The following CCDC85C variants were observed in gnomAD, a reference collection of about 807,000 sequenced individuals.
CCDC85C encodes coiled-coil domain-containing protein 85C.
CCDC85C carries 18 observed loss-of-function variants against 38.3 expected under a neutral mutation model. That is an observed-to-expected ratio of 0.47 (90% CI 0.33 to 0.70). The LOEUF (loss-of-function observed/expected upper bound fraction) is 0.70. Ranked by LOEUF, CCDC85C falls within the 30% of genes least tolerant of loss-of-function variation. The pLI is 0.03. For synonymous variants in CCDC85C, 264 were observed against 293.8 expected, an observed-to-expected ratio of 0.90 and a Z score of 1.04; for missense variants, 566 against 621.2, an observed-to-expected ratio of 0.91 and a Z score of 0.94.
At position 99,569,752 on chromosome 14, in the gene CCDC85C, T is replaced by C. The variant is rs1361396019; in HGVS notation, c.793+33415A>G. Among the ~76,000 whole-genome samples the C allele has an allele frequency of 6.6e-6, 1 of 152,236 alleles. No homozygotes were observed. Among genetic ancestry groups the C allele is most frequent in the East Asian group, 1.9e-4 (1 of 5,166 alleles). ...CACACACCCCACATTTCAGGTGCAA[T>C]GCTCCAAGGCGACGCAGGGAGGGAT... On this transcript the variant is annotated intron_variant, in intron 1 of 5. Transcript: ENST00000380243. This position sits in a 1 kb window ranked among gnomAD's most constrained non-coding sequence, Gnocchi z 4.3.
intron 1 of CCDC85C, among the ~76,000 whole-genome samples, chr14:99,557,276 C>T (rs1303429774): frequency 6.6e-6 from 1 of 152,202 alleles, no homozygotes; most frequent in Non-Finnish European, 1.5e-5. Flanking sequence ...AAGGCCCAGG[C>T]TCTAATTCAC....
In CCDC85C at chr14:99,501,298, G is replaced by A; in HGVS notation, c.*13948C>T. ...CGTGGTAGGTTTTTAATAAATACTT[G>A]ATGCTGCCTGTGAATTTTTCTATTG... On this transcript the variant is annotated 3_prime_UTR_variant, in exon 6 of 6. Transcript: ENST00000380243. 1 of 1,099,178 alleles carries A rather than the reference G, an allele frequency of 9.1e-7. No individual in the cohort carries two copies. Among genetic ancestry groups the A allele is most frequent in the South Asian group, 1.2e-5 (1 of 80,408 alleles). The allele number at this position is 1,099,178 out of a possible 1,614,324, so 68.1% of individuals were successfully genotyped here.
At chr14:99,585,089 C>T (rs56132473) in intron 1 of CCDC85C, among the ~76,000 whole-genome samples, 49,281 of 151,914 alleles carry the variant, frequency 0.32, 10,100 homozygotes, top group Non-Finnish European at 0.46. Flanking sequence ...AGTGAGACCC[C>T]GTCCCCTCCA....
intron 3 of CCDC85C, among the ~76,000 whole-genome samples, chr14:99,521,414 G>A (rs556145678): frequency 1.3e-5 from 2 of 152,350 alleles, no homozygotes; most frequent in Admixed American, 1.3e-4. Flanking sequence ...TTGTGGGCAA[G>A]GGGTGCAGGG....
rs1034423737 is a variant in CCDC85C, at chr14:99,603,846, G to A, written c.114C>T (p.Ala38=). The change falls in exon 1 of 6, where the codon GCC becomes GCT. Residue 38 remains alanine, a synonymous_variant. Transcript: ENST00000380243. This position sits in a 1 kb window ranked among gnomAD's most constrained non-coding sequence, Gnocchi z 7.5. ...GCATGAGGCCCACCTTCTCGCCCTC[G>A]GCGCGCCGCAGCCGCCGCGCCAGCT... ...KEELARRLRR[A]EGEKVGLMLE... is the part of the protein sequence containing the mutation. 3.4e-5 allele frequency: 52 copies of A among 1,517,722 alleles called. No individual in the cohort carries two copies. The highest frequency in any genetic ancestry group is 1.8e-4 in the Admixed American group (9 of 49,432). 94.0% of individuals were successfully genotyped at this position (1,517,722 alleles called of 1,614,324 possible). A position where few individuals can be genotyped will look rare whatever the true frequency, so the allele number is the denominator to read the frequency against.
chr14:99,551,787 G>A (rs1292313025), intron 1 of CCDC85C, among the ~76,000 whole-genome samples: 2 of 152,096 alleles, frequency 1.3e-5, no homozygotes, highest in African/African-American at 2.4e-5. Context: ...TGCAGGCTGA[G>A]ACCGGAGTCC....
In CCDC85C at chr14:99,515,282, C is replaced by T; in HGVS notation, c.1224G>A (p.Gln408=). The change falls in exon 6 of 6, where the codon CAG becomes CAA. Residue 408 remains glutamine, a synonymous_variant. Coordinates refer to ENST00000380243, the MANE Select transcript of CCDC85C (RefSeq NM_001144995.2). The stretch of plus-strand genomic sequence containing the variant: ...CCTTGAACTGGTTCCCAGACAGGTG[C>T]TGCCGTATGGAGGGCTTGGAGCTGG... ...DAASSKPSIR[Q]HLSGNQFKGP... is the part of the protein sequence containing the mutation. 6.4e-7 allele frequency: 1 copy of T among 1,550,926 alleles called. No homozygotes were observed.
At position 99,507,425 on chromosome 14, in the gene CCDC85C, T is replaced by A. The variant is rs1015575364; in HGVS notation, c.*7821A>T. 2.3e-6 allele frequency: 1 copy of A among 431,162 alleles called. No individual in the cohort carries two copies. The highest frequency in any genetic ancestry group is 2.0e-5 in the African/African-American group (1 of 49,682). 26.7% of individuals were successfully genotyped at this position (431,162 alleles called of 1,614,324 possible). A position where few individuals can be genotyped will look rare whatever the true frequency, so the allele number is the denominator to read the frequency against. The stretch of plus-strand genomic sequence containing the variant: ...GACCCTGTCTAAAAAATTAGCCAGG[T>A]GTGGTAGCACACACCTGTAGTCCCA... On this transcript the variant is annotated 3_prime_UTR_variant, in exon 6 of 6. Transcript: ENST00000380243.
At chr14:99,550,197 G>C (rs566463238) in intron 1 of CCDC85C, among the ~76,000 whole-genome samples, 2 of 152,358 alleles carry the variant, frequency 1.3e-5, no homozygotes, top group East Asian at 3.9e-4. Flanking sequence ...GGACTTTGCA[G>C]ATGAGATCAA....
rs766385345 is a variant in CCDC85C at position 99,515,254 on chromosome 14, G to T, written c.1252C>A (p.Pro418Thr). Residue 418 changes from proline (P) to threonine (T), a missense_variant, in exon 6 of 6, where the codon CCT becomes ACT. Physicochemically the swap from Pro to Thr is conservative, Grantham distance 38. Transcript: ENST00000380243. The part of the protein sequence containing the change: ...QHLSGNQFKG[P>T]L ...TCCACAGAAGAGTGGCCCTACAAAG[G>T]CCCCTTGAACTGGTTCCCAGACAGG... The T allele has an allele frequency of 1.0e-4, 162 of 1,550,336 alleles. No individual in the cohort carries two copies. The highest frequency in any genetic ancestry group is 1.4e-4 in the Non-Finnish European group (159 of 1,146,612).
intron 1 of CCDC85C, among the ~76,000 whole-genome samples, chr14:99,584,438 G>T (rs976338617): frequency 6.6e-6 from 1 of 152,090 alleles, no homozygotes; most frequent in Non-Finnish European, 1.5e-5. Flanking sequence ...TATCCAGCAG[G>T]CCACTCGGAG....
chr14:99,526,980 G>A (rs949049570), intron 2 of CCDC85C, among the ~76,000 whole-genome samples: 3 of 152,256 alleles, frequency 2.0e-5, no homozygotes, highest in Admixed American at 1.3e-4. Flanking sequence ...GCTGTCATCC[G>A]TCTCGGAGAT....
intron 1 of CCDC85C, among the ~76,000 whole-genome samples, chr14:99,564,558 T>G (rs1009306328): frequency 6.6e-6 from 1 of 152,202 alleles, no homozygotes; most frequent in Non-Finnish European, 1.5e-5. Context: ...TTATTCTATC[T>G]CATCTTGTAA....
rs1317788226 is a variant in CCDC85C, at chr14:99,528,732, G to A, written c.868-6492C>T. ...CAAGGCAAAGATGACCTGCAAGGTC[G>A]CCCACAAGAGCTACACAGTCATACC... On this transcript the variant is annotated intron_variant, in intron 2 of 5. Coordinates refer to ENST00000380243, the MANE Select transcript of CCDC85C (RefSeq NM_001144995.2). 2.6e-5 allele frequency among the ~76,000 whole-genome samples: 4 copies of A among 151,262 alleles called. No homozygotes were observed. The South Asian group carries it at 6.3e-4, about 24-fold the overall frequency.
rs1245751121 is a variant in CCDC85C, at chr14:99,535,516, C to T, written c.867+499G>A. 1.3e-5 allele frequency among the ~76,000 whole-genome samples: 2 copies of T among 152,134 alleles called. No individual in the cohort carries two copies. The highest frequency in any genetic ancestry group is 2.9e-5 in the Non-Finnish European group (2 of 68,020). ...ACCCAACCCCACCTCCCCCCTACAG[C>T]CAACCCCTCCCACGCCGTGCCCCTG... On this transcript the variant is annotated intron_variant, in intron 2 of 5. Coordinates refer to ENST00000380243, the MANE Select transcript of CCDC85C (RefSeq NM_001144995.2). This position sits in a 1 kb window ranked among gnomAD's most constrained non-coding sequence, Gnocchi z 5.5.
intron 1 of CCDC85C, among the ~76,000 whole-genome samples, chr14:99,602,259 A>G (rs4905863): frequency 0.92 from 140,457 of 152,250 alleles, 65,890 homozygotes; most frequent in East Asian, 1. Context: ...GCAGGCTGCA[A>G]GCTCCCACAG....
intron 1 of CCDC85C, among the ~76,000 whole-genome samples, chr14:99,578,369 AT>A (rs2054925460): frequency 6.8e-6 from 1 of 146,064 alleles, no homozygotes; most frequent in East Asian, 2.0e-4. Context: ...CCCGTCCTGT[AT>A]CCCCCATCGG....
intron 1 of CCDC85C, among the ~76,000 whole-genome samples, chr14:99,568,379 C>T (rs1368197612): frequency 6.6e-6 from 1 of 150,928 alleles, no homozygotes; most frequent in African/African-American, 2.4e-5. Flanking sequence ...GTGGTGGGGC[C>T]CCAGGTCCCC....
intron 1 of CCDC85C, among the ~76,000 whole-genome samples, chr14:99,585,186 T>C (rs2055013712): frequency 6.6e-6 from 1 of 152,208 alleles, no homozygotes; most frequent in African/African-American, 2.4e-5. Flanking sequence ...CAATAACATG[T>C]CACTGTGGGC....
Sources: allele counts gnomAD v4.1 joint callset (sites outside exome capture counted in the v4.1 genomes callset), GRCh38; gene constraint gnomAD v4.1.1; non-coding constraint Gnocchi (gnomAD v3.1); transcripts MANE v1.5; gene names NCBI Gene and HGNC (gene_info 2026-07-23, HGNC 2026-07-21).